Variants in ASPHD2 observed in about 807,000 individuals in gnomAD.
ASPHD2 encodes aspartate beta-hydroxylase domain-containing protein 2.
ASPHD2 carries 12 observed loss-of-function variants against 34.6 expected under a neutral mutation model. That is an observed-to-expected ratio of 0.35 (90% confidence interval 0.22 to 0.56). The LOEUF is 0.56. ASPHD2 is among the 20% of genes least tolerant of loss of function. The pLI is 0.87. For missense variants in ASPHD2, 375 were observed against 505.0 expected, an observed-to-expected ratio of 0.74 and a Z score of 2.47; for synonymous variants, 224 against 212.2, an observed-to-expected ratio of 1.06 and a Z score of -0.48.
At chr22:26,430,362 T>A (rs1435931793) in intron 1 of ASPHD2, among the ~76,000 whole-genome samples, 2 of 152,242 alleles carry the variant, frequency 1.3e-5, no homozygotes, top group Non-Finnish European at 2.9e-5. Flanking sequence ...GGACTTGCTC[T>A]CCAACTGGCC....
At position 26,434,605 on chromosome 22, in the gene ASPHD2, G is replaced by T. The variant is rs1047436114; in HGVS notation, c.886+104G>T. ...CAAATGGTCAGAATTGCGCCTTTTC[G>T]CATTGTTCACTTTTAGCAAAAACTG... On this transcript the variant is annotated intron_variant, in intron 2 of 3. Transcript: ENST00000215906. The T allele has an allele frequency of 6.1e-6, 8 of 1,320,210 alleles. No homozygotes were observed. In the African/African-American group the frequency reaches 7.3e-5, roughly 12 times the overall value. 81.8% of individuals were successfully genotyped at this position (1,320,210 alleles called of 1,614,324 possible).
At position 26,429,295 on chromosome 22, in the gene ASPHD2, G is replaced by C. The variant is rs2084741114; in HGVS notation, c.-416G>C. 1.3e-5 allele frequency: 2 copies of C among 149,124 alleles called. No individual in the cohort carries two copies. The highest frequency in any genetic ancestry group is 3.6e-4 in the South Asian group (2 of 5,618). The allele number at this position is 149,124 out of a possible 1,614,324, so 9.2% of individuals were successfully genotyped here. A position where few individuals can be genotyped will look rare whatever the true frequency, so the allele number is the denominator to read the frequency against. ...TTCGCGGCCCCGCGGAGCGCAGCGC[G>C]GCGTCGGCACCGGCAGGGGCACCGG... On this transcript the variant is annotated 5_prime_UTR_variant, in exon 1 of 4. Coordinates refer to ENST00000215906, the MANE Select transcript of ASPHD2 (RefSeq NM_020437.5). This position sits in a 1 kb window ranked among gnomAD's most constrained non-coding sequence, Gnocchi z 4.5.
At position 26,441,880 on chromosome 22, in the gene ASPHD2, G is replaced by A. The variant is rs143777244; in HGVS notation, c.887-579G>A. Among the ~76,000 whole-genome samples, 1,206 of 151,934 alleles carry A rather than the reference G, an allele frequency of 7.9e-3. 19 individuals are homozygous for A. Among genetic ancestry groups the A allele is most frequent in the African/African-American group, 0.028 (1,156 of 41,432 alleles). ...AGAGGTTCCAGTGAGCCAGGATCGC[G>A]CCACTGCACTCCAGCCTGGGCGACA... On this transcript the variant is annotated intron_variant, in intron 2 of 3. Transcript: ENST00000215906.
chr22:26,435,891 A>T (rs551462138), intron 2 of ASPHD2, among the ~76,000 whole-genome samples: 8 of 152,278 alleles, frequency 5.3e-5, no homozygotes, highest in African/African-American at 1.9e-4. Flanking sequence ...TGAGCAGGTC[A>T]CTGAGTCTCT....
rs867461915 is a variant in ASPHD2, at chr22:26,433,179, G to A, written c.-224-213G>A. ...TCCTATGGAGGGCACAAAGCAGATG[G>A]GACCACTGTAATTATAAGCAGTACC... is the stretch of plus-strand genomic sequence containing the variant. On this transcript the variant is annotated intron_variant, in intron 1 of 3. Coordinates refer to ENST00000215906, the MANE Select transcript of ASPHD2 (RefSeq NM_020437.5). The surrounding 1 kb of genome is among the most constrained non-coding windows in gnomAD (Gnocchi z 5.1). Among the ~76,000 whole-genome samples, 63 of 152,210 alleles carry A rather than the reference G, an allele frequency of 4.1e-4. No homozygotes were observed. Among genetic ancestry groups the A allele is most frequent in the African/African-American group, 1.4e-3 (59 of 41,538 alleles).
At chr22:26,440,150 C>T (rs1038236115) in intron 2 of ASPHD2, among the ~76,000 whole-genome samples, 2 of 152,104 alleles carry the variant, frequency 1.3e-5, no homozygotes, top group South Asian at 2.1e-4. Flanking sequence ...CATTAGATGG[C>T]CACGGTGGCC....
chr22:26,442,977 G>A (rs1244878963), intron 3 of ASPHD2, 120 bp from the exon 4 acceptor site: 29 of 744,150 alleles, frequency 3.9e-5, no homozygotes, highest in Admixed American at 9.9e-5. Flanking sequence ...GATCCGAGCC[G>A]AGGGACAGGA....
Position 26,433,246 on chromosome 22 carries a change from T to G in ASPHD2, c.-224-146T>G. 3.8e-6 allele frequency: 1 copy of G among 259,916 alleles called. No homozygotes were observed. Among genetic ancestry groups the G allele is most frequent in the Non-Finnish European group, 7.4e-6 (1 of 135,442 alleles). 16.1% of individuals were successfully genotyped at this position (259,916 alleles called of 1,614,324 possible). A position where few individuals can be genotyped will look rare whatever the true frequency, so the allele number is the denominator to read the frequency against. ...CTACTGGCCTTTTGGGAAATGGGAG[T>G]GGCAGTAGAATGGGGAGGGAATACA... On this transcript the variant is annotated intron_variant, in intron 1 of 3. Transcript: ENST00000215906. The surrounding 1 kb of genome is among the most constrained non-coding windows in gnomAD (Gnocchi z 5.1).
chr22:26,442,705 TAC>T (rs1568985765), intron 3 of ASPHD2, 133 bp downstream of exon 3: 1 of 645,092 alleles, frequency 1.6e-6, no homozygotes, highest in Non-Finnish European at 2.7e-6. Context: ...ATAACACATA[TAC>T]ACACACAGTA....
chr22:26,434,451 T>C lies in ASPHD2; in HGVS notation c.836T>C (p.Val279Ala). 2 of 1,612,532 alleles carry C rather than the reference T, an allele frequency of 1.2e-6. No homozygotes were observed. The highest frequency in any genetic ancestry group is 1.7e-6 in the Non-Finnish European group (2 of 1,178,804). ...ATCTCTGTGCTGAGCCCTGGGACTG[T>C]GATAACGGAGCACTATGGACCCACC... ...ACISVLSPGT[V>A]ITEHYGPTNI... is the part of the protein sequence containing the mutation. Residue 279 changes from valine to alanine, a missense_variant, in exon 2 of 4, where the codon GTG (valine) becomes GCG (alanine). Val to Ala is a moderately conservative substitution (Grantham distance 64). Coordinates refer to ENST00000215906, the MANE Select transcript of ASPHD2 (RefSeq NM_020437.5).
rs2084778472 is a variant in ASPHD2, at chr22:26,434,467, T to C, written c.852T>C (p.Tyr284=). 6.3e-7 allele frequency: 1 copy of C among 1,598,638 alleles called. No individual in the cohort carries two copies. Among genetic ancestry groups the C allele is most frequent in the Non-Finnish European group, 8.6e-7 (1 of 1,168,740 alleles). ...CTGGGACTGTGATAACGGAGCACTA[T>C]GGACCCACCAACATCCGCATCCGAT... ...LSPGTVITEH[Y]GPTNIRIRCH... is the part of the protein sequence containing the mutation. The change falls in exon 2 of 4, where the codon TAT becomes TAC. Residue 284 remains tyrosine, a synonymous_variant. Coordinates refer to ENST00000215906, the MANE Select transcript of ASPHD2 (RefSeq NM_020437.5).
intron 3 of ASPHD2, 138 bp downstream of exon 3, chr22:26,442,710 A>G (rs1028341846): frequency 1.6e-6 from 1 of 633,802 alleles, no homozygotes; most frequent in East Asian, 2.8e-5. Flanking sequence ...ACATATACAC[A>G]CACAGTATTG....
In ASPHD2 at chr22:26,442,524, C is replaced by A; in HGVS notation, c.952C>A (p.Arg318Ser). Reference sequence around the variant, plus strand: ...AGAGCCCCAGTGCTGGGCAGAAGGGCGCTGCCTTCTCTTTGATGACTCTTT... The same window carrying A: ...AGAGCCCCAGTGCTGGGCAGAAGGGAGCTGCCTTCTCTTTGATGACTCTTT... ...GGEPQCWAEGRCLLFDDSFLH... is the reference protein window; with the variant it reads ...GGEPQCWAEGSCLLFDDSFLH... The change falls in exon 3 of 4, where the codon CGC (arginine) becomes AGC (serine). Residue 318 changes from arginine to serine, a missense_variant. By Grantham distance (110) the Arg-to-Ser change is moderately radical (BLOSUM62 -1). Transcript: ENST00000215906. The A allele has an allele frequency of 6.2e-7, 1 of 1,611,644 alleles. No homozygotes were observed. Among genetic ancestry groups the A allele is most frequent in the Admixed American group, 1.7e-5 (1 of 59,650 alleles).
intron 2 of ASPHD2, among the ~76,000 whole-genome samples, chr22:26,442,167 T>C (rs939791404): frequency 1.7e-4 from 24 of 143,250 alleles, no homozygotes; most frequent in African/African-American, 6.2e-4. Flanking sequence ...AGAAGCTCCC[T>C]TGGGCCTGTT....
In ASPHD2 at chr22:26,443,506, T is replaced by G; in HGVS notation, c.*300T>G. The stretch of plus-strand genomic sequence containing the variant: ...GGTCCTTGAGTGACCAGAGACTTAG[T>G]GCCCTTGTAAGTCTGTCTTCTGTTG... On this transcript the variant is annotated 3_prime_UTR_variant, in exon 4 of 4. Coordinates refer to ENST00000215906, the MANE Select transcript of ASPHD2 (RefSeq NM_020437.5). 3.9e-6 allele frequency: 1 copy of G among 254,062 alleles called. No homozygotes were observed. The highest frequency in any genetic ancestry group is 1.3e-3 in the Middle Eastern group (1 of 748). 15.7% of individuals were successfully genotyped at this position (254,062 alleles called of 1,614,324 possible). A position where few individuals can be genotyped will look rare whatever the true frequency, so the allele number is the denominator to read the frequency against.
At chr22:26,432,436 C>A (rs1050914825) in intron 1 of ASPHD2, among the ~76,000 whole-genome samples, 1 of 152,172 alleles carries the variant, frequency 6.6e-6, no homozygotes, top group African/African-American at 2.4e-5. Flanking sequence ...GAAGCAGAGA[C>A]CTGGCTGTTC....
Position 26,434,086 on chromosome 22 carries a change from C to G in ASPHD2, c.471C>G (p.Asn157Lys), listed in dbSNP as rs1444458176. The G allele has an allele frequency of 1.9e-6, 3 of 1,613,056 alleles. No individual in the cohort carries two copies. The highest frequency in any genetic ancestry group is 1.7e-6 in the Non-Finnish European group (2 of 1,179,814). Residue 157 changes from asparagine (N) to lysine (K), a missense_variant, in exon 2 of 4, where the codon AAC (asparagine) becomes AAG (lysine). By Grantham distance (94) the Asn-to-Lys change is moderately conservative. This residue lies in a region of ASPHD2 where 223 missense variants were observed against 257.8 expected (regional missense o/e 0.87). Coordinates refer to ENST00000215906, the MANE Select transcript of ASPHD2 (RefSeq NM_020437.5). ...KGIREQGRYL[N>K]SRPSIQKPEV... is the part of the protein sequence containing the mutation. ...TCCGCGAGCAGGGCCGGTACCTCAA[C>G]AGCCGGCCCTCCATCCAGAAGCCCG...
rs1226556442 is a variant in ASPHD2, at chr22:26,433,078, G to T, written c.-224-314G>T. 6.6e-6 allele frequency among the ~76,000 whole-genome samples: 1 copy of T among 152,174 alleles called. No individual in the cohort carries two copies. The highest frequency in any genetic ancestry group is 1.9e-4 in the East Asian group (1 of 5,200). ...AGATGGGGTTTGAGTCTCTGCCCTG[G>T]CTGTATAACTCTCGTGAGTTATGTA... On this transcript the variant is annotated intron_variant, in intron 1 of 3. Transcript: ENST00000215906. This position sits in a 1 kb window ranked among gnomAD's most constrained non-coding sequence, Gnocchi z 5.1.
At chr22:26,432,519 G>C (rs1297607156) in intron 1 of ASPHD2, among the ~76,000 whole-genome samples, 1 of 152,210 alleles carries the variant, frequency 6.6e-6, no homozygotes, top group Non-Finnish European at 1.5e-5. Flanking sequence ...GGGTTTGAGA[G>C]ACTTAGGCAG....
Sources: gnomAD v4.1 joint callset for allele counts (sites outside exome capture counted in the v4.1 genomes callset) on GRCh38, gnomAD v4.1.1 for gene constraint, gnomAD v4.1.1 regional missense constraint, Gnocchi (gnomAD v3.1) non-coding constraint, MANE v1.5 for transcripts, NCBI Gene and HGNC (gene_info 2026-07-23, HGNC 2026-07-21) for gene names.